CCDC192: variants seen among roughly 807,000 people sequenced by gnomAD.
CCDC192 encodes the protein coiled-coil domain-containing protein 192.
chr5:127,786,381 A>G, intron 3 of CCDC192: 1 of 630,814 alleles, frequency 1.6e-6, no homozygotes, highest in Non-Finnish European at 2.9e-6. Context: ...ATACACTGTT[A>G]ATGTAGGGCC....
chr5:127,772,610 A>G (rs1420679435), intron 3 of CCDC192, among the ~76,000 whole-genome samples: 1 of 152,186 alleles, frequency 6.6e-6, no homozygotes, highest in African/African-American at 2.4e-5. Flanking sequence ...TGATAAAAAG[A>G]GATGTGCTTC....
At chr5:127,839,550 A>AATCACAAAATAAAAAT (rs1442144302) in intron 5 of CCDC192, among the ~76,000 whole-genome samples, 2 of 152,194 alleles carry the variant, frequency 1.3e-5, no homozygotes, top group African/African-American at 4.8e-5. Context: ...TCAACTTTTA[A>AATCACAAAATAAAAAT]ATCACAAAAT....
At chr5:127,776,792 C>T (rs1210822963) in intron 3 of CCDC192, among the ~76,000 whole-genome samples, 1 of 152,222 alleles carries the variant, frequency 6.6e-6, no homozygotes, top group Admixed American at 6.5e-5. Flanking sequence ...CAGGCTGTGG[C>T]TTCAGAGGGT....
At chr5:127,858,902 A>G (rs1294726736) in intron 5 of CCDC192, among the ~76,000 whole-genome samples, 1 of 151,636 alleles carries the variant, frequency 6.6e-6, no homozygotes, top group East Asian at 2.0e-4. Context: ...ATCATCATCA[A>G]GGGGCTCAAA....
At chr5:127,788,510 A>C (rs1381885307) in intron 3 of CCDC192, among the ~76,000 whole-genome samples, 3 of 152,088 alleles carry the variant, frequency 2.0e-5, no homozygotes, top group Non-Finnish European at 4.4e-5. Context: ...AAAGTCACTT[A>C]AATTAAAATA....
intron 6 of CCDC192, among the ~76,000 whole-genome samples, chr5:127,925,363 A>G (rs1048230077): frequency 2.6e-5 from 4 of 152,218 alleles, no homozygotes; most frequent in Non-Finnish European, 5.9e-5. Context: ...GTATCTTGAT[A>G]TGAAAAAAAT....
chr5:127,809,706 G>C (rs1352329298), intron 5 of CCDC192, among the ~76,000 whole-genome samples: 1 of 152,126 alleles, frequency 6.6e-6, no homozygotes, highest in East Asian at 1.9e-4. Context: ...AGCTATTTAT[G>C]ATAATCCAGC....
Position 127,719,669 on chromosome 5 carries a change from C to T in CCDC192, c.114+11909C>T, listed in dbSNP as rs141264592. 2.7e-5 allele frequency among the ~76,000 whole-genome samples: 4 copies of T among 150,664 alleles called. No homozygotes were observed. In the East Asian group the frequency reaches 7.8e-4, roughly 29 times the overall value. On this transcript the variant is annotated intron_variant, in intron 2 of 6. Transcript: ENST00000514853. ...TCCATTCTCACATTGCTCTAAAGAACTACCTGAGACTGGGTAATTTATAAA... is the reference window on the plus strand; with the variant it reads ...TCCATTCTCACATTGCTCTAAAGAATTACCTGAGACTGGGTAATTTATAAA...
At chr5:127,849,654 A>G (rs769219925) in intron 5 of CCDC192, among the ~76,000 whole-genome samples, 2 of 152,234 alleles carry the variant, frequency 1.3e-5, no homozygotes, top group Non-Finnish European at 2.9e-5. Flanking sequence ...TGAGTAATTT[A>G]TACTTGACTT....
chr5:127,717,942 AAAAG>A (rs1204645645), intron 2 of CCDC192, among the ~76,000 whole-genome samples: 1 of 151,036 alleles, frequency 6.6e-6, no homozygotes, highest in Non-Finnish European at 1.5e-5. Context: ...AAAAAAAAAA[AAAAG>A]AAAACAAGAA....
chr5:127,876,962 A>G (rs1752108049), intron 6 of CCDC192, among the ~76,000 whole-genome samples: 1 of 152,264 alleles, frequency 6.6e-6, no homozygotes, highest in African/African-American at 2.4e-5. Flanking sequence ...GAAACCTAAA[A>G]GAATAAAATC....
rs562666629 is a variant in CCDC192, at chr5:127,789,787, G to A, written c.223-7316G>A. Among the ~76,000 whole-genome samples the A allele has an allele frequency of 5.3e-5, 8 of 152,334 alleles. No individual in the cohort carries two copies. In the South Asian group the frequency reaches 1.2e-3, roughly 24 times the overall value. ...GCTGTTCTAGAAGATGGGGGAAATG[G>A]CCCCAAAGACAGTTCAGAGATTATC... On this transcript the variant is annotated intron_variant, in intron 3 of 6. Transcript: ENST00000514853.
intron 6 of CCDC192, among the ~76,000 whole-genome samples, chr5:127,933,632 G>T (rs1255916691): frequency 6.6e-6 from 1 of 152,174 alleles, no homozygotes; most frequent in Non-Finnish European, 1.5e-5. Flanking sequence ...CATCAGCCAG[G>T]CCCCTCACTC....
intron 5 of CCDC192, among the ~76,000 whole-genome samples, chr5:127,866,199 C>T (rs993864239): frequency 3.3e-5 from 5 of 152,060 alleles, no homozygotes; most frequent in Non-Finnish European, 5.9e-5. Flanking sequence ...TCAACTTATT[C>T]TAACTTCTTA....
chr5:127,720,366 T>C (rs1484938432), intron 2 of CCDC192, among the ~76,000 whole-genome samples: 2 of 152,220 alleles, frequency 1.3e-5, no homozygotes, highest in African/African-American at 4.8e-5. Flanking sequence ...CCTCCATGTT[T>C]CACATCCTGG....
intron 5 of CCDC192, among the ~76,000 whole-genome samples, chr5:127,870,285 A>T (rs1380059899): frequency 3.9e-5 from 6 of 152,202 alleles, no homozygotes; most frequent in Non-Finnish European, 7.3e-5. Flanking sequence ...GTCTCTAAAG[A>T]TATCTTGGCA....
intron 6 of CCDC192, among the ~76,000 whole-genome samples, chr5:127,929,253 GT>G (rs1753952676): frequency 6.6e-6 from 1 of 152,214 alleles, no homozygotes; most frequent in Non-Finnish European, 1.5e-5. Context: ...ATCTTTTGCA[GT>G]TTATTATGTC....
At chr5:127,927,186 A>G (rs1753886427) in intron 6 of CCDC192, among the ~76,000 whole-genome samples, 1 of 152,192 alleles carries the variant, frequency 6.6e-6, no homozygotes, top group African/African-American at 2.4e-5. Context: ...GAAGTAAACC[A>G]TGGTCTGAAA....
At chr5:127,776,454 A>T (rs917006581) in intron 3 of CCDC192, among the ~76,000 whole-genome samples, 2 of 152,208 alleles carry the variant, frequency 1.3e-5, no homozygotes, top group African/African-American at 4.8e-5. Context: ...TTATAAGGAA[A>T]GCAGAGCATA....
Sources: gnomAD v4.1 joint callset for allele counts (sites outside exome capture counted in the v4.1 genomes callset) on GRCh38, gnomAD v4.1.1 for gene constraint, MANE v1.5 for transcripts, NCBI Gene and HGNC (gene_info 2026-07-23, HGNC 2026-07-21) for gene names.